Variants in CSMD1 observed in about 807,000 individuals in gnomAD.
The protein encoded by CSMD1 is CUB and sushi domain-containing protein 1.
In CSMD1, 213 loss-of-function variants were observed where a neutral mutation model predicts 417.5. The ratio of observed to expected loss-of-function variants is 0.51; its 90% CI spans 0.46 to 0.57. CSMD1 has a LOEUF of 0.57. Ranked by LOEUF, CSMD1 falls within the 20% of genes least tolerant of loss-of-function variation. CSMD1 has a pLI of 0.00. For synonymous variants in CSMD1, 2,862 were observed against 1,736.8 expected, an observed-to-expected ratio of 1.65 and a Z score of -16.11; for missense variants, 6,923 against 4,529.7, an observed-to-expected ratio of 1.53 and a Z score of -15.17.
intron 5 of CSMD1, among the ~76,000 whole-genome samples, chr8:3,859,038 T>G (rs899064182): frequency 1.1e-4 from 16 of 152,190 alleles, no homozygotes; most frequent in African/African-American, 3.9e-4. Flanking sequence ...GACCTTATTA[T>G]AAGTGAAATT....
intron 1 of CSMD1, among the ~76,000 whole-genome samples, chr8:4,914,584 A>G (rs1176925803): frequency 9.8e-4 from 3 of 3,060 alleles, no homozygotes. Flanking sequence ...TCCCAAAAAG[A>G]AAAAAAAAAA....
chr8:3,578,518 G>C (rs181811754), intron 9 of CSMD1, among the ~76,000 whole-genome samples: 8 of 152,302 alleles, frequency 5.3e-5, no homozygotes, highest in Non-Finnish European at 7.3e-5. Flanking sequence ...TATCCGTGTT[G>C]CTTTGTCGCC....
intron 1 of CSMD1, among the ~76,000 whole-genome samples, chr8:4,928,270 C>T (rs1015943596): frequency 6.6e-6 from 1 of 152,186 alleles, no homozygotes; most frequent in Admixed American, 6.5e-5. Flanking sequence ...CTCATCAGAA[C>T]AAACTGTCCT....
intron 1 of CSMD1, among the ~76,000 whole-genome samples, chr8:4,763,362 C>T (rs1436713605): frequency 6.6e-6 from 1 of 152,206 alleles, no homozygotes; most frequent in Non-Finnish European, 1.5e-5. Flanking sequence ...ATTGCATTCA[C>T]AGTCCTTCCT....
At chr8:3,310,996 A>G (rs1805297332) in intron 23 of CSMD1, among the ~76,000 whole-genome samples, 1 of 152,208 alleles carries the variant, frequency 6.6e-6, no homozygotes, top group Non-Finnish European at 1.5e-5. Flanking sequence ...AGTGGTCAAG[A>G]TGCCTACACA....
At chr8:3,517,832 C>G (rs1021618314) in intron 10 of CSMD1, among the ~76,000 whole-genome samples, 1 of 152,122 alleles carries the variant, frequency 6.6e-6, no homozygotes, top group African/African-American at 2.4e-5. Flanking sequence ...AAACACCCAA[C>G]GACCCATCCT....
intron 4 of CSMD1, among the ~76,000 whole-genome samples, chr8:4,026,164 C>G (rs1585157120): frequency 6.6e-6 from 1 of 152,136 alleles, no homozygotes; most frequent in African/African-American, 2.4e-5. Flanking sequence ...CACATTTACA[C>G]ATTTACAAGA....
intron 1 of CSMD1, among the ~76,000 whole-genome samples, chr8:4,771,957 C>A (rs1377860651): frequency 6.6e-6 from 1 of 152,196 alleles, no homozygotes; most frequent in African/African-American, 2.4e-5. Flanking sequence ...ATAATTCCTG[C>A]AACAATGATC....
At chr8:4,449,506 ATT>A (rs1263536379) in intron 2 of CSMD1, among the ~76,000 whole-genome samples, 2 of 152,232 alleles carry the variant, frequency 1.3e-5, no homozygotes, top group Middle Eastern at 3.4e-3. Context: ...GTTACTTGTC[ATT>A]TTTTGTCTTT....
chr8:3,168,192 C>T (rs1258847521), intron 37 of CSMD1, among the ~76,000 whole-genome samples: 3 of 152,146 alleles, frequency 2.0e-5, no homozygotes, highest in East Asian at 1.9e-4. Context: ...AAAATACAGG[C>T]GCATACAGAC....
At chr8:4,905,322 T>C (rs1040049382) in intron 1 of CSMD1, among the ~76,000 whole-genome samples, 29 of 152,278 alleles carry the variant, frequency 1.9e-4, no homozygotes, top group African/African-American at 6.5e-4. Flanking sequence ...CTGTGTCAAG[T>C]AATATCATAA....
At chr8:3,210,985 G>C (rs1226664518) in intron 30 of CSMD1, among the ~76,000 whole-genome samples, 1 of 151,982 alleles carries the variant, frequency 6.6e-6, no homozygotes, top group African/African-American at 2.4e-5. Context: ...AAATACACCA[G>C]GGGATGCAAA....
At chr8:4,270,732 T>C (rs550876572) in intron 3 of CSMD1, among the ~76,000 whole-genome samples, 44 of 152,336 alleles carry the variant, frequency 2.9e-4, no homozygotes, top group Non-Finnish European at 4.6e-4. Context: ...AATAGAAATA[T>C]TGTGTTTGAG....
At chr8:4,163,445 C>T (rs1043248776) in intron 3 of CSMD1, among the ~76,000 whole-genome samples, 10 of 152,022 alleles carry the variant, frequency 6.6e-5, no homozygotes, top group African/African-American at 1.5e-4. Flanking sequence ...CTTGTTTTTA[C>T]GTTTGTATTT....
chr8:3,214,756 T>G (rs947282972), intron 29 of CSMD1, 65 bp from the exon 30 acceptor site: 14 of 1,353,304 alleles, frequency 1.0e-5, no homozygotes, highest in Non-Finnish European at 1.4e-5. Flanking sequence ...TGTTTTTGTT[T>G]GTTGGGTTGG....
intron 3 of CSMD1, among the ~76,000 whole-genome samples, chr8:4,064,387 C>G (rs570046233): frequency 2.0e-5 from 3 of 152,282 alleles, no homozygotes; most frequent in African/African-American, 7.2e-5. Context: ...CAGTTGTTTT[C>G]TCCCTCAATG....
chr8:3,987,397 A>G (rs1482554487), intron 5 of CSMD1, among the ~76,000 whole-genome samples: 1 of 152,232 alleles, frequency 6.6e-6, no homozygotes, highest in African/African-American at 2.4e-5. Context: ...GATAACGACT[A>G]ATGGATACAG....
chr8:3,270,046 CTT>C (rs200994813), intron 26 of CSMD1, among the ~76,000 whole-genome samples: 2 of 118,384 alleles, frequency 1.7e-5, no homozygotes, highest in Non-Finnish European at 1.7e-5. Flanking sequence ...CTAACCTCTT[CTT>C]TTTTTTTTTT....
At chr8:3,079,181 C>T (rs1471269) in intron 49 of CSMD1, among the ~76,000 whole-genome samples, 48,159 of 152,028 alleles carry the variant, frequency 0.32, 7,748 homozygotes, top group East Asian at 0.38. Context: ...GCAAGGGCAA[C>T]TGGGATAAAC....
Sources: gnomAD v4.1 joint callset for allele counts (sites outside exome capture counted in the v4.1 genomes callset) on GRCh38, gnomAD v4.1.1 for gene constraint, MANE v1.5 for transcripts, NCBI Gene and HGNC (gene_info 2026-07-23, HGNC 2026-07-21) for gene names.